Variants in STIM1 observed in about 807,000 individuals in gnomAD.
The protein encoded by STIM1 is stromal interaction molecule 1.
A neutral mutation model predicts 74.7 loss-of-function variants in STIM1; 25 were observed. The ratio of observed to expected loss-of-function variants is 0.33; its 90% confidence interval spans 0.24 to 0.47. The LOEUF (loss-of-function observed/expected upper bound fraction) is 0.47. STIM1 is among the 20% of genes least tolerant of loss of function. The probability of loss-of-function intolerance (pLI) is 1.00; values close to 1 mark genes in which losing one functional copy is unlikely to be tolerated. For missense variants in STIM1, 728 were observed against 920.8 expected (o/e 0.79, Z 2.71); for synonymous variants, 328 against 348.8 (o/e 0.94, Z 0.66).
chr11:3,912,531 AT>A lies in STIM1; in HGVS notation c.140-55015del, dbSNP rs780816876. On this transcript the variant is annotated intron_variant, in intron 1 of 12. Transcript: ENST00000526596. ...AGGTACCCACCATGATGTCCAACTA[AT>A]TTTTTGTATTTTTAGTAGAGATGGG... 3.0e-4 allele frequency among the ~76,000 whole-genome samples: 46 copies of A among 151,672 alleles called. 1 individual carries two copies. The highest frequency in any genetic ancestry group is 4.6e-4 in the Admixed American group (7 of 15,210).
chr11:4,033,608 T>C (rs193184876), intron 3 of STIM1, among the ~76,000 whole-genome samples: 5 of 151,870 alleles, frequency 3.3e-5, no homozygotes, highest in Non-Finnish European at 5.9e-5. Flanking sequence ...ATCTTTTTTT[T>C]TTTTTGAGTC....
At chr11:4,022,202 G>A (rs767025006) in intron 2 of STIM1, among the ~76,000 whole-genome samples, 7 of 151,690 alleles carry the variant, frequency 4.6e-5, no homozygotes, top group Non-Finnish European at 7.4e-5. Context: ...GTGGGGTGGC[G>A]TGCACACCTA....
intron 1 of STIM1, among the ~76,000 whole-genome samples, chr11:3,866,227 T>C (rs999573454): frequency 1.3e-5 from 2 of 152,224 alleles, no homozygotes; most frequent in African/African-American, 4.8e-5. Context: ...TTTTTACTTA[T>C]GTCATTTAAC....
At chr11:4,071,994 C>G (rs1465604589) in intron 6 of STIM1, among the ~76,000 whole-genome samples, 1 of 152,174 alleles carries the variant, frequency 6.6e-6, no homozygotes, top group African/African-American at 2.4e-5. Flanking sequence ...GTTCTTGGGC[C>G]CTTTGCCAGT....
chr11:4,083,182 T>G (rs2094474143), intron 9 of STIM1, 81 bp from the exon 10 acceptor site: 2 of 1,445,684 alleles, frequency 1.4e-6, no homozygotes, highest in African/African-American at 1.4e-5. Context: ...TTCTCAAAAC[T>G]TGTTCCTCTG....
At chr11:4,087,337 GAGTGACTAAC>G (rs2094499842) in intron 12 of STIM1, among the ~76,000 whole-genome samples, 1 of 152,220 alleles carries the variant, frequency 6.6e-6, no homozygotes, top group Admixed American at 6.5e-5. Context: ...GTTGAGGAAG[GAGTGACTAAC>G]AGTGTGTACC....
intron 3 of STIM1, among the ~76,000 whole-genome samples, chr11:4,027,626 CT>C (rs1232362385): frequency 1.3e-5 from 2 of 152,100 alleles, no homozygotes; most frequent in Non-Finnish European, 2.9e-5. Context: ...TTGGCCTTTT[CT>C]AATTAGCTAC....
Position 4,023,695 on chromosome 11 carries a change from A to G in STIM1, c.271-178A>G, listed in dbSNP as rs1032659475. Among the ~76,000 whole-genome samples, 5 of 152,212 alleles carry G rather than the reference A, an allele frequency of 3.3e-5. No individual in the cohort carries two copies. In the East Asian group the frequency reaches 9.6e-4, roughly 29 times the overall value. ...TGAGACATGTAACAAAGAGGAAGTG[A>G]TAGTTTAGTTGGCAACTAAGACATG... is the stretch of plus-strand genomic sequence containing the variant. On this transcript the variant is annotated intron_variant, in intron 2 of 12. Transcript: ENST00000526596.
intron 3 of STIM1, among the ~76,000 whole-genome samples, chr11:4,037,774 T>A (rs1565156244): frequency 6.6e-6 from 1 of 152,160 alleles, no homozygotes; most frequent in Non-Finnish European, 1.5e-5. Flanking sequence ...TTACGTTTGG[T>A]GTGATTATTA....
chr11:4,065,979 C>T (rs1384750055), intron 5 of STIM1, among the ~76,000 whole-genome samples: 1 of 152,176 alleles, frequency 6.6e-6, no homozygotes, highest in East Asian at 1.9e-4. Context: ...TGCTCACTTT[C>T]TCAGTGCTAA....
rs903774750 is a variant in STIM1, at chr11:3,877,596, A to G, written c.139+21187A>G. Reference sequence around the variant, plus strand: ...TTCCGGATCAGTTGTAAATTCTCACATAAGGTAGAGCAGAGTGTGTTTGCT... The same window carrying G: ...TTCCGGATCAGTTGTAAATTCTCACGTAAGGTAGAGCAGAGTGTGTTTGCT... On this transcript the variant is annotated intron_variant, in intron 1 of 12. Coordinates refer to ENST00000526596, the MANE Select transcript of STIM1 (RefSeq NM_001382567.1). Among the ~76,000 whole-genome samples the G allele has an allele frequency of 2.6e-5, 4 of 152,200 alleles. No individual in the cohort carries two copies. The East Asian group carries it at 7.7e-4, about 29-fold the overall frequency.
intron 1 of STIM1, among the ~76,000 whole-genome samples, chr11:3,864,993 C>T (rs4243966): frequency 0.95 from 144,420 of 152,306 alleles, 68,488 homozygotes; most frequent in African/African-American, 0.97. Flanking sequence ...TCCTAGGCTG[C>T]AGTCCTGCCT....
At chr11:3,945,140 C>T (rs1158060538) in intron 1 of STIM1, among the ~76,000 whole-genome samples, 1 of 152,200 alleles carries the variant, frequency 6.6e-6, no homozygotes, top group East Asian at 1.9e-4. Flanking sequence ...GAGCAAGTTA[C>T]TTATCTCTCT....
At chr11:4,085,854 TC>T (rs2094490385) in intron 11 of STIM1, among the ~76,000 whole-genome samples, 1 of 152,204 alleles carries the variant, frequency 6.6e-6, no homozygotes, top group Non-Finnish European at 1.5e-5. Context: ...TACCTATAAT[TC>T]TGTATCCTTT....
At position 3,974,086 on chromosome 11, in the gene STIM1, G is replaced by C. The variant is rs1590614549; in HGVS notation, c.270+6404G>C. On this transcript the variant is annotated intron_variant, in intron 2 of 12. Coordinates refer to ENST00000526596, the MANE Select transcript of STIM1 (RefSeq NM_001382567.1). ...CAAACCCAAAGCCCCTGGAGCACTT[G>C]GTATTTGGATCTCTCATTACCACAG... The C allele has an allele frequency of 1.7e-5, 12 of 701,778 alleles. No homozygotes were observed. In the East Asian group the frequency reaches 3.2e-4, roughly 19 times the overall value. 43.5% of individuals were successfully genotyped at this position (701,778 alleles called of 1,614,324 possible).
chr11:4,051,922 A>G (rs185049289), intron 3 of STIM1, among the ~76,000 whole-genome samples: 2 of 152,348 alleles, frequency 1.3e-5, no homozygotes, highest in Non-Finnish European at 2.9e-5. Flanking sequence ...AGGATACAAA[A>G]TCAATGTGCA....
At position 4,093,153 on chromosome 11, in the gene STIM1, G is replaced by C. The variant is rs1298343981; in HGVS notation, c.*1355G>C. The stretch of plus-strand genomic sequence containing the variant: ...TGGACACCCTCAAATGGGGTTTTCT[G>C]TGTTATTTCATAAAATTCTTTGAAG... On this transcript the variant is annotated 3_prime_UTR_variant, in exon 13 of 13. Transcript: ENST00000526596. The C allele has an allele frequency of 6.6e-6, 1 of 152,656 alleles. No individual in the cohort carries two copies. The highest frequency in any genetic ancestry group is 1.5e-5 in the Non-Finnish European group (1 of 68,062). The allele number at this position is 152,656 out of a possible 1,614,324, so 9.5% of individuals were successfully genotyped here.
At chr11:3,979,698 C>T (rs766482777) in intron 2 of STIM1, among the ~76,000 whole-genome samples, 8 of 152,174 alleles carry the variant, frequency 5.3e-5, no homozygotes, top group Non-Finnish European at 1.0e-4. Context: ...CTCAGCCTCC[C>T]AAGTTGCCGG....
intron 1 of STIM1, among the ~76,000 whole-genome samples, chr11:3,950,787 A>G (rs1373498215): frequency 6.6e-6 from 1 of 152,048 alleles, no homozygotes; most frequent in Non-Finnish European, 1.5e-5. Context: ...CACCATACCC[A>G]GCTAATTTTT....
Sources: allele counts gnomAD v4.1 joint callset (sites outside exome capture counted in the v4.1 genomes callset), GRCh38; gene constraint gnomAD v4.1.1; transcripts MANE v1.5; gene names NCBI Gene and HGNC (gene_info 2026-07-23, HGNC 2026-07-21).